Variants in A2M observed in about 807,000 individuals in gnomAD.
The protein encoded by A2M is C3 and PZP-like alpha-2-macroglobulin domain-containing protein 5.
Under a neutral mutation model 183.9 loss-of-function variants are expected in A2M, and 128 were observed. That is an observed-to-expected ratio of 0.70 (90% confidence interval 0.60 to 0.81). A2M has a LOEUF of 0.81. A2M is among the 30% of genes least tolerant of loss of function. The pLI is 0.00. For missense variants in A2M, 1,495 were observed against 1,787.6 expected (o/e 0.84, Z 2.95); for synonymous variants, 592 against 670.8 (o/e 0.88, Z 1.81).
intron 19 of A2M, 139 bp downstream of exon 19, chr12:9,091,062 T>G: frequency 9.0e-7 from 1 of 1,112,214 alleles, no homozygotes; most frequent in Non-Finnish European, 1.3e-6. Flanking sequence ...TATTTGGAGA[T>G]CTCAAAACCT....
At position 9,110,294 on chromosome 12, in the gene A2M, G is replaced by T; in HGVS notation, c.504+20C>A. On this transcript the variant is annotated intron_variant, in intron 5 of 35. Transcript: ENST00000318602. The stretch of plus-strand genomic sequence containing the variant: ...TATGTATTGCTTTCCTTTTAATATG[G>T]AATGTTTCATGTTGCTTACCTGAAT... 6.8e-7 allele frequency: 1 copy of T among 1,461,782 alleles called. No homozygotes were observed. Among genetic ancestry groups the T allele is most frequent in the South Asian group, 1.3e-5 (1 of 77,302 alleles). The allele number at this position is 1,461,782 out of a possible 1,614,324, so 90.6% of individuals were successfully genotyped here.
At chr12:9,114,493 CTA>C (rs1938975613) in intron 1 of A2M, among the ~76,000 whole-genome samples, 1 of 152,082 alleles carries the variant, frequency 6.6e-6, no homozygotes, top group Non-Finnish European at 1.5e-5. Flanking sequence ...AAGATACCTA[CTA>C]TCACTATTTA....
rs929542590 is a variant in A2M, at chr12:9,073,048, T to C, written c.3757-177A>G. On this transcript the variant is annotated intron_variant, in intron 29 of 35. Transcript: ENST00000318602. ...TTTAGATAGTTGAAGAACCATAACA[T>C]TCACATATCTACCTTGGACTGTATG... Among the ~76,000 whole-genome samples, 5 of 152,242 alleles carry C rather than the reference T, an allele frequency of 3.3e-5. No homozygotes were observed. The South Asian group carries it at 6.2e-4, about 19-fold the overall frequency.
chr12:9,070,184 T>G (rs1031010049), intron 32 of A2M, among the ~76,000 whole-genome samples: 8 of 152,224 alleles, frequency 5.3e-5, no homozygotes, highest in Admixed American at 5.2e-4. Context: ...AATCAGTCAT[T>G]TTCATATTTT....
At chr12:9,106,377 G>A in intron 9 of A2M, 32 bp from the exon 10 acceptor site, 1 of 1,526,428 alleles carries the variant, frequency 6.6e-7, no homozygotes, top group Non-Finnish European at 9.0e-7. Flanking sequence ...TGTTATTTTT[G>A]GGAAGAATGA....
Position 9,093,456 on chromosome 12 carries a change from G to A in A2M, c.2240+9C>T, listed in dbSNP as rs1949270919. 6.3e-7 allele frequency: 1 copy of A among 1,599,920 alleles called. No individual in the cohort carries two copies. The highest frequency in any genetic ancestry group is 8.6e-7 in the Non-Finnish European group (1 of 1,167,266). On this transcript the variant is annotated intron_variant, in intron 18 of 35. Coordinates refer to ENST00000318602, the MANE Select transcript of A2M (RefSeq NM_000014.6). ...TTGTTGCATATTGCATATGCAGGAA[G>A]TTACTTACTTTACCACCACCAAATC...
chr12:9,090,601 A>G, intron 19 of A2M, 119 bp from the exon 20 acceptor site: 1 of 1,014,492 alleles, frequency 9.9e-7, no homozygotes, highest in Non-Finnish European at 1.4e-6. Flanking sequence ...TAAAGATGAT[A>G]TAAATGAAGA....
intron 19 of A2M, among the ~76,000 whole-genome samples, chr12:9,090,974 T>A (rs953553041): frequency 6.6e-6 from 1 of 152,204 alleles, no homozygotes; most frequent in Non-Finnish European, 1.5e-5. Context: ...GTCACCCCTG[T>A]CAGAATTCTT....
intron 4 of A2M, among the ~76,000 whole-genome samples, chr12:9,111,181 CTTTA>C (rs1938697635): frequency 1.3e-5 from 2 of 152,170 alleles, no homozygotes; most frequent in Non-Finnish European, 2.9e-5. Flanking sequence ...AAAAACTAAT[CTTTA>C]TTAAGTACCT....
At chr12:9,096,218 C>T (rs1949377012) in intron 15 of A2M, among the ~76,000 whole-genome samples, 1 of 152,116 alleles carries the variant, frequency 6.6e-6, no homozygotes, top group Non-Finnish European at 1.5e-5. Flanking sequence ...TAGGAAAAAC[C>T]AAACACTCCA....
rs775913757 is a variant in A2M, at chr12:9,109,852, T to C, written c.673+15A>G. 5 of 1,573,704 alleles carry C rather than the reference T, an allele frequency of 3.2e-6. No homozygotes were observed. The Admixed American group carries it at 5.9e-5, about 19-fold the overall frequency. ...TGAAGAAAAATAATGCTTGATGACT[T>C]TTCATGATCCATACCAAATTCCTCC... is the stretch of plus-strand genomic sequence containing the variant. On this transcript the variant is annotated intron_variant, in intron 6 of 35. Transcript: ENST00000318602.
At chr12:9,103,441 A>G (rs974426573) in intron 11 of A2M, among the ~76,000 whole-genome samples, 6 of 152,074 alleles carry the variant, frequency 3.9e-5, no homozygotes, top group African/African-American at 1.4e-4. Context: ...CACAACATAA[A>G]ATTACCATCT....
chr12:9,070,906 C>T (rs897465511), intron 31 of A2M, among the ~76,000 whole-genome samples: 46 of 151,994 alleles, frequency 3.0e-4, no homozygotes, highest in Admixed American at 3.9e-4. Context: ...CCGCAACCTC[C>T]GCCTCCTGGG....
rs776167603 is a variant in A2M at position 9,113,558 on chromosome 12, G to T, written c.87-15C>A. 1 of 1,609,270 alleles carries T rather than the reference G, an allele frequency of 6.2e-7. No individual in the cohort carries two copies. The highest frequency in any genetic ancestry group is 8.5e-7 in the Non-Finnish European group (1 of 1,177,680). On this transcript the variant is annotated splice_polypyrimidine_tract_variant and intron_variant, in intron 1 of 35. Transcript: ENST00000318602. ...CCATATACTGCCTGGGAATGAGACG[G>T]TTCAGTTAGAGGAAAGTGAAGGAAG...
At chr12:9,093,345 C>A in intron 18 of A2M, 120 bp downstream of exon 18, 1 of 671,310 alleles carries the variant, frequency 1.5e-6, no homozygotes, top group Non-Finnish European at 2.6e-6. Flanking sequence ...ATATATATAT[C>A]AAAACATCAT....
At chr12:9,079,993 A>C (rs1948861918) in intron 23 of A2M, 101 bp downstream of exon 23, 2 of 940,122 alleles carry the variant, frequency 2.1e-6, no homozygotes, top group Non-Finnish European at 3.0e-6. Context: ...AGAAGAAAGA[A>C]GTTAAAATTA....
In A2M at chr12:9,074,641, C is replaced by T. The variant is rs1192665963; in HGVS notation, c.3675G>A (p.Ser1225=). ...TGTTGGTTGCAGAGGTCAGGTCCTCCGAGGTTGGGGCTGGCTGGGCCGTGA... is the reference window on the plus strand; with the variant it reads ...TGTTGGTTGCAGAGGTCAGGTCCTCTGAGGTTGGGGCTGGCTGGGCCGTGA... ...AYLTAQPAPT[S]EDLTSATNIV... is the part of the protein sequence containing the mutation. The change falls in exon 29 of 36, where the codon TCG becomes TCA. Residue 1225 remains serine, a synonymous_variant. Transcript: ENST00000318602. 4 of 1,613,892 alleles carry T rather than the reference C, an allele frequency of 2.5e-6. No individual in the cohort carries two copies. The highest frequency in any genetic ancestry group is 1.1e-5 in the South Asian group (1 of 91,032).
intron 11 of A2M, among the ~76,000 whole-genome samples, chr12:9,103,051 G>A (rs775621219): frequency 5.3e-5 from 8 of 152,048 alleles, no homozygotes; most frequent in African/African-American, 1.7e-4. Flanking sequence ...ATGCTATACC[G>A]AATAACTTAT....
Position 9,079,350 on chromosome 12 carries a change from G to A in A2M, c.3032-19C>T, listed in dbSNP as rs766482403. On this transcript the variant is annotated intron_variant, in intron 24 of 35. Transcript: ENST00000318602. ...TGGTAACCTGGAAAGGAAGATTAAC[G>A]AAACAGCACAATGGATTAATGTGCA... 58 of 1,604,292 alleles carry A rather than the reference G, an allele frequency of 3.6e-5. No homozygotes were observed. In the African/African-American group the frequency reaches 4.8e-4, roughly 13 times the overall value.
Sources: gnomAD v4.1 joint callset for allele counts (sites outside exome capture counted in the v4.1 genomes callset) on GRCh38, gnomAD v4.1.1 for gene constraint, MANE v1.5 for transcripts, NCBI Gene and HGNC (gene_info 2026-07-23, HGNC 2026-07-21) for gene names.